The following NSG1 variants were observed in gnomAD, a reference collection of about 807,000 sequenced individuals.
NSG1 encodes the protein neuronal vesicle trafficking associated 1, also known as neuronal vesicle trafficking-associated protein 1.
NSG1 carries 9 observed loss-of-function variants against 19.3 expected under a neutral mutation model. That is an observed-to-expected ratio of 0.47 (90% CI 0.28 to 0.81). The LOEUF is 0.81. Among genes scored for constraint, NSG1 ranks in the 40% least tolerant of loss-of-function variants. The pLI, the probability that NSG1 is intolerant of heterozygous loss-of-function variation, is 0.11. For synonymous variants in NSG1, 104 were observed against 107.0 expected (o/e 0.97, Z 0.17); for missense variants, 236 against 242.4 (o/e 0.97, Z 0.18).
intron 4 of NSG1, among the ~76,000 whole-genome samples, chr4:4,411,090 A>C (rs1401151576): frequency 6.6e-6 from 1 of 152,114 alleles, no homozygotes; most frequent in African/African-American, 2.4e-5. Flanking sequence ...TCCTGACCTC[A>C]GGTGATCCAC....
chr4:4,398,483 T>C (rs1723387459), intron 3 of NSG1, among the ~76,000 whole-genome samples: 1 of 152,106 alleles, frequency 6.6e-6, no homozygotes, highest in Non-Finnish European at 1.5e-5. Context: ...CAAATCTGTT[T>C]TGTGTCCCTG....
At chr4:4,392,766 C>A in intron 3 of NSG1, among the ~76,000 whole-genome samples, 1 of 152,200 alleles carries the variant, frequency 6.6e-6, no homozygotes, top group East Asian at 1.9e-4. Flanking sequence ...ATCCTCCCAG[C>A]AGCCCTCTGC....
intron 4 of NSG1, among the ~76,000 whole-genome samples, chr4:4,410,679 C>G (rs145068181): frequency 2.0e-5 from 3 of 152,098 alleles, no homozygotes; most frequent in African/African-American, 4.8e-5. Context: ...CTTGCAGGAC[C>G]GGAAGCTGGT....
At chr4:4,410,428 T>C (rs1553819453) in intron 4 of NSG1, among the ~76,000 whole-genome samples, 1 of 152,200 alleles carries the variant, frequency 6.6e-6, no homozygotes, top group Non-Finnish European at 1.5e-5. Flanking sequence ...ACTCCATCAT[T>C]GTGCCAGCCT....
At chr4:4,416,535 CAG>C (rs1724554983) in intron 4 of NSG1, among the ~76,000 whole-genome samples, 1 of 152,170 alleles carries the variant, frequency 6.6e-6, no homozygotes, top group African/African-American at 2.4e-5. Flanking sequence ...GCTGCCAAAA[CAG>C]GGAAAACGCC....
intron 3 of NSG1, among the ~76,000 whole-genome samples, chr4:4,402,701 T>G (rs942955958): frequency 6.6e-6 from 1 of 152,166 alleles, no homozygotes; most frequent in African/African-American, 2.4e-5. Context: ...CTCCTTTGAT[T>G]TTGAAACAAA....
chr4:4,401,954 C>A (rs2108739320), intron 3 of NSG1, among the ~76,000 whole-genome samples: 1 of 152,020 alleles, frequency 6.6e-6, no homozygotes, highest in East Asian at 1.9e-4. Flanking sequence ...CATCTCGGCT[C>A]ACTTCAGCCT....
At position 4,403,900 on chromosome 4, in the gene NSG1, C is replaced by T. The variant is rs532140034; in HGVS notation, c.247-5673C>T. 2.6e-5 allele frequency among the ~76,000 whole-genome samples: 4 copies of T among 152,306 alleles called. No individual in the cohort carries two copies. In the East Asian group the frequency reaches 7.7e-4, roughly 29 times the overall value. On this transcript the variant is annotated intron_variant, in intron 3 of 4. Transcript: ENST00000621129. ...ATAAAGTCTGGTGGGGGGTGTAGCT[C>T]GAGAGCCCCCAGGAATTCTGCCCAG...
intron 3 of NSG1, among the ~76,000 whole-genome samples, chr4:4,405,163 C>A (rs969953122): frequency 6.6e-6 from 1 of 152,200 alleles, no homozygotes; most frequent in Non-Finnish European, 1.5e-5. Context: ...CCTTGCCCCT[C>A]CTAGTTCCTG....
Position 4,391,500 on chromosome 4 carries a change from A to G in NSG1, c.155A>G (p.Tyr52Cys), listed in dbSNP as rs1722988066. ...DKVVVKTKTE[Y>C]EPDRKKGKAR... Reference sequence around the variant, plus strand: ...GTGGTCGTGAAAACTAAGACCGAGTATGAACCTGACCGCAAGAAAGGGAAA... The same window carrying G: ...GTGGTCGTGAAAACTAAGACCGAGTGTGAACCTGACCGCAAGAAAGGGAAA... Residue 52 changes from tyrosine to cysteine, a missense_variant, in exon 3 of 5, where the codon TAT becomes TGT. Physicochemically the swap from Tyr to Cys is radical, Grantham distance 194. Coordinates refer to ENST00000621129, the MANE Select transcript of NSG1 (RefSeq NM_014392.5). The G allele has an allele frequency of 1.9e-6, 3 of 1,613,030 alleles. No individual in the cohort carries two copies. The highest frequency in any genetic ancestry group is 1.7e-5 in the Admixed American group (1 of 59,602).
chr4:4,389,829 C>T (rs1053127992), intron 2 of NSG1, among the ~76,000 whole-genome samples: 2 of 152,128 alleles, frequency 1.3e-5, no homozygotes, highest in Non-Finnish European at 2.9e-5. Context: ...GGCTGGTCTC[C>T]CCTGACATTT....
intron 4 of NSG1, chr4:4,416,224 C>T: frequency 1.4e-6 from 1 of 702,052 alleles, no homozygotes; most frequent in South Asian, 1.5e-5. Flanking sequence ...GGCCTGGCTC[C>T]AAAGCTTCCC....
Position 4,392,681 on chromosome 4 carries a change from G to C in NSG1, c.246+1090G>C, listed in dbSNP as rs189991381. Reference sequence around the variant, plus strand: ...CTCCTTCTTCCCGTTGCCACACACTGCCTGTCAGGGCCTGCCTGGTCCAGC... The same window carrying C: ...CTCCTTCTTCCCGTTGCCACACACTCCCTGTCAGGGCCTGCCTGGTCCAGC... On this transcript the variant is annotated intron_variant, in intron 3 of 4. Coordinates refer to ENST00000621129, the MANE Select transcript of NSG1 (RefSeq NM_014392.5). 1.5e-3 allele frequency among the ~76,000 whole-genome samples: 232 copies of C among 152,306 alleles called. 2 individuals carry two copies. Among genetic ancestry groups the C allele is most frequent in the African/African-American group, 5.4e-3 (225 of 41,574 alleles).
chr4:4,405,737 T>C (rs1723817510), intron 3 of NSG1, among the ~76,000 whole-genome samples: 2 of 152,192 alleles, frequency 1.3e-5, no homozygotes, highest in Admixed American at 6.5e-5. Context: ...GGCCGCCCGC[T>C]GACTCTCCCT....
At chr4:4,415,971 G>C (rs754690818) in intron 4 of NSG1, 21 of 639,286 alleles carry the variant, frequency 3.3e-5, no homozygotes, top group Non-Finnish European at 5.4e-5. Flanking sequence ...GCTTCCCGAC[G>C]TCCTGGTGGG....
chr4:4,400,076 T>C (rs919263915), intron 3 of NSG1, among the ~76,000 whole-genome samples: 1 of 152,230 alleles, frequency 6.6e-6, no homozygotes, highest in Non-Finnish European at 1.5e-5. Flanking sequence ...ATTTTTCCCT[T>C]GTGTTTTCTT....
At chr4:4,407,756 T>A (rs1379960490) in intron 3 of NSG1, among the ~76,000 whole-genome samples, 1 of 151,980 alleles carries the variant, frequency 6.6e-6, no homozygotes, top group Non-Finnish European at 1.5e-5. Flanking sequence ...GGGGACGTGG[T>A]GGAGGTGTCG....
chr4:4,391,245 C>T (rs948125167), intron 2 of NSG1, among the ~76,000 whole-genome samples: 3 of 152,176 alleles, frequency 2.0e-5, no homozygotes, highest in Non-Finnish European at 4.4e-5. Context: ...AACTTCTGTG[C>T]CCCTCGGTTA....
rs1351098583 is a variant in NSG1, at chr4:4,401,682, G to A, written c.247-7891G>A. Among the ~76,000 whole-genome samples, 7 of 152,138 alleles carry A rather than the reference G, an allele frequency of 4.6e-5. No individual in the cohort carries two copies. In the East Asian group the frequency reaches 5.8e-4, roughly 13 times the overall value. On this transcript the variant is annotated intron_variant, in intron 3 of 4. Coordinates refer to ENST00000621129, the MANE Select transcript of NSG1 (RefSeq NM_014392.5). ...CAGCCCTGCAGGGCTGCTCAACCAC[G>A]TCAAAGCACCTGAGAATGTCCCCTG...
Sources: gnomAD v4.1 joint callset for allele counts (sites outside exome capture counted in the v4.1 genomes callset) on GRCh38, gnomAD v4.1.1 for gene constraint, MANE v1.5 for transcripts, NCBI Gene and HGNC (gene_info 2026-07-23, HGNC 2026-07-21) for gene names.